VAT1L: variants seen among roughly 807,000 people sequenced by gnomAD.
The protein encoded by VAT1L is putative NADPH-dependent quinone oxidoreductase VAT1L.
A neutral mutation model predicts 44.1 loss-of-function variants in VAT1L; 34 were observed. That is an observed-to-expected ratio of 0.77 (90% CI 0.59 to 1.03). The LOEUF is 1.03. Among genes scored for constraint, VAT1L ranks in the 50% least tolerant of loss-of-function variants. VAT1L has a pLI of 0.00. For synonymous variants in VAT1L, 253 were observed against 202.2 expected, an observed-to-expected ratio of 1.25 and a Z score of -2.13; for missense variants, 615 against 538.8, an observed-to-expected ratio of 1.14 and a Z score of -1.40.
intron 7 of VAT1L, among the ~76,000 whole-genome samples, chr16:77,968,149 G>A (rs2018242784): frequency 6.6e-6 from 1 of 152,090 alleles, no homozygotes; most frequent in Non-Finnish European, 1.5e-5. Flanking sequence ...TGATCTCCCA[G>A]TTTCTGTGAG....
At chr16:77,954,661 C>T (rs1427896267) in intron 7 of VAT1L, among the ~76,000 whole-genome samples, 1 of 152,124 alleles carries the variant, frequency 6.6e-6, no homozygotes, top group Non-Finnish European at 1.5e-5. Flanking sequence ...ATCATCTCCC[C>T]CTCTCAGGGG....
chr16:77,804,074 G>A (rs951540681), intron 1 of VAT1L, among the ~76,000 whole-genome samples: 1 of 152,184 alleles, frequency 6.6e-6, no homozygotes, highest in African/African-American at 2.4e-5. Flanking sequence ...GGAAGGCAGA[G>A]ATGTCATTGT....
At chr16:77,935,499 T>TAAA (rs35559626) in intron 7 of VAT1L, among the ~76,000 whole-genome samples, 8 of 115,808 alleles carry the variant, frequency 6.9e-5, no homozygotes, top group Admixed American at 8.9e-5. Context: ...TGACGGTTTA[T>TAAA]AAAAAAAAAA....
chr16:77,932,973 C>A (rs1025433563), intron 7 of VAT1L, among the ~76,000 whole-genome samples: 1 of 152,178 alleles, frequency 6.6e-6, no homozygotes, highest in Non-Finnish European at 1.5e-5. Flanking sequence ...AATTCTCCCC[C>A]ACACATTTCA....
chr16:77,965,753 G>C (rs1482780956), intron 7 of VAT1L, among the ~76,000 whole-genome samples: 5 of 152,058 alleles, frequency 3.3e-5, no homozygotes, highest in African/African-American at 1.2e-4. Flanking sequence ...TAGGATGTGG[G>C]GTAGGCAGGA....
intron 7 of VAT1L, among the ~76,000 whole-genome samples, chr16:77,892,184 G>T (rs1376113968): frequency 6.6e-6 from 1 of 152,190 alleles, no homozygotes; most frequent in Non-Finnish European, 1.5e-5. Flanking sequence ...TCTAGCACCA[G>T]ACTGGGAAGG....
chr16:77,886,926 T>G (rs986913639), intron 7 of VAT1L, among the ~76,000 whole-genome samples: 2 of 152,226 alleles, frequency 1.3e-5, no homozygotes, highest in African/African-American at 4.8e-5. Context: ...CACATACATG[T>G]GTGTTTATGT....
In VAT1L at chr16:77,979,601, G is replaced by A. The variant is rs925394903; in HGVS notation, c.*1906G>A. ...ACTAGGGCTCTCCTTCCCCCGGGGA[G>A]TGGGAACTCAGCCACATTCAGAATT... On this transcript the variant is annotated 3_prime_UTR_variant, in exon 9 of 9. Coordinates refer to ENST00000302536, the MANE Select transcript of VAT1L (RefSeq NM_020927.3). 3 of 152,144 alleles carry A rather than the reference G, an allele frequency of 2.0e-5. No individual in the cohort carries two copies. The highest frequency in any genetic ancestry group is 7.2e-5 in the African/African-American group (3 of 41,434). 9.4% of individuals were successfully genotyped at this position (152,144 alleles called of 1,614,324 possible).
At chr16:77,906,714 C>T (rs964843481) in intron 7 of VAT1L, among the ~76,000 whole-genome samples, 1 of 152,196 alleles carries the variant, frequency 6.6e-6, no homozygotes, top group Non-Finnish European at 1.5e-5. Flanking sequence ...TCAAGGGTGG[C>T]TCCAAAGCAC....
chr16:77,807,776 A>C (rs916791057), intron 1 of VAT1L, among the ~76,000 whole-genome samples: 1 of 152,070 alleles, frequency 6.6e-6, no homozygotes, highest in Non-Finnish European at 1.5e-5. Flanking sequence ...AACACCCCGT[A>C]AGGTGGTTGT....
chr16:77,953,152 A>T (rs2018063793), intron 7 of VAT1L, among the ~76,000 whole-genome samples: 1 of 152,180 alleles, frequency 6.6e-6, no homozygotes. Flanking sequence ...AGATGCCAGC[A>T]ACCTCCAGAA....
chr16:77,880,309 A>G (rs1292623377), intron 6 of VAT1L, among the ~76,000 whole-genome samples: 1 of 151,950 alleles, frequency 6.6e-6, no homozygotes, highest in African/African-American at 2.4e-5. Flanking sequence ...GGTGTGTGCC[A>G]CTATACCCAG....
chr16:77,799,780 T>A (rs1466600815), intron 1 of VAT1L, among the ~76,000 whole-genome samples: 2 of 152,160 alleles, frequency 1.3e-5, no homozygotes, highest in Non-Finnish European at 2.9e-5. Context: ...CCACAGTTAT[T>A]AAGTCACATT....
chr16:77,826,955 A>C (rs1022951362), intron 3 of VAT1L, among the ~76,000 whole-genome samples: 1 of 152,050 alleles, frequency 6.6e-6, no homozygotes, highest in South Asian at 2.1e-4. Context: ...AAAAAGAAAA[A>C]CTTGGCTTTC....
intron 4 of VAT1L, among the ~76,000 whole-genome samples, chr16:77,871,218 C>T (rs1025251843): frequency 6.6e-6 from 1 of 152,150 alleles, no homozygotes; most frequent in Non-Finnish European, 1.5e-5. Context: ...CAGAATCCAC[C>T]TCCCCTACCT....
intron 7 of VAT1L, among the ~76,000 whole-genome samples, chr16:77,952,323 T>C (rs1222220607): frequency 6.6e-6 from 1 of 152,148 alleles, no homozygotes; most frequent in Admixed American, 6.5e-5. Flanking sequence ...TGAAATGTAA[T>C]CCCCAACGTT....
chr16:77,802,103 C>A (rs1365164138), intron 1 of VAT1L, among the ~76,000 whole-genome samples: 1 of 152,178 alleles, frequency 6.6e-6, no homozygotes, highest in Non-Finnish European at 1.5e-5. Context: ...GCAATTTTCA[C>A]CCTCCCACCG....
intron 7 of VAT1L, among the ~76,000 whole-genome samples, chr16:77,971,396 G>A (rs993474967): frequency 3.9e-5 from 6 of 152,172 alleles, no homozygotes; most frequent in African/African-American, 1.4e-4. Context: ...GAATTTTCCT[G>A]AGTTCAGTTC....
At chr16:77,926,353 C>T (rs1182361092) in intron 7 of VAT1L, among the ~76,000 whole-genome samples, 2 of 151,858 alleles carry the variant, frequency 1.3e-5, no homozygotes, top group Admixed American at 1.3e-4. Context: ...GAGGCTGAGG[C>T]AGGCAGATCG....
Sources: allele counts gnomAD v4.1 joint callset (sites outside exome capture counted in the v4.1 genomes callset), GRCh38; gene constraint gnomAD v4.1.1; transcripts MANE v1.5; gene names NCBI Gene and HGNC (gene_info 2026-07-23, HGNC 2026-07-21).